CLPTM1L: variants seen among roughly 807,000 people sequenced by gnomAD.
The protein encoded by CLPTM1L is lipid scramblase CLPTM1L.
A neutral mutation model predicts 70.9 loss-of-function variants in CLPTM1L; 38 were observed. The observed-to-expected ratio is 0.54, with a 90% CI of 0.41 to 0.70. CLPTM1L has a LOEUF of 0.70. Ranked by LOEUF, CLPTM1L falls within the 30% of genes least tolerant of loss-of-function variation. The pLI is 0.00. For missense variants in CLPTM1L, 652 were observed against 705.9 expected, an observed-to-expected ratio of 0.92 and a Z score of 0.87; for synonymous variants, 339 against 299.9, an observed-to-expected ratio of 1.13 and a Z score of -1.35.
chr5:1,326,240 G>A, intron 9 of CLPTM1L: 1 of 248,856 alleles, frequency 4.0e-6, no homozygotes. Flanking sequence ...CCAGAGCCGG[G>A]CACGGCACTG....
At chr5:1,326,813 AC>A (rs1159658587) in intron 9 of CLPTM1L, among the ~76,000 whole-genome samples, 2 of 149,858 alleles carry the variant, frequency 1.3e-5, no homozygotes, top group African/African-American at 5.0e-5. Flanking sequence ...CTCCTCCCCT[AC>A]AGGGACATTT....
intron 7 of CLPTM1L, among the ~76,000 whole-genome samples, 174 bp downstream of exon 7, chr5:1,334,115 G>T (rs1314066455): frequency 6.6e-6 from 1 of 152,146 alleles, no homozygotes; most frequent in Admixed American, 6.5e-5. Context: ...CCGCCCACTG[G>T]GACAATGGTC....
At chr5:1,322,170 G>A (rs573406881) in intron 13 of CLPTM1L, among the ~76,000 whole-genome samples, 4 of 152,202 alleles carry the variant, frequency 2.6e-5, no homozygotes, top group Non-Finnish European at 5.9e-5. Flanking sequence ...TCAGGTGTGG[G>A]ACTCCTACCA....
Position 1,325,143 on chromosome 5 carries a change from CA to C in CLPTM1L, c.1147-331del, listed in dbSNP as rs879661225. ...AGGCACAGCCAACACTGCTCCGAAC[CA>C]GCCGGCCGGGAGCCATGGGGCAAGG... On this transcript the variant is annotated intron_variant, in intron 10 of 16. Coordinates refer to ENST00000320895, the MANE Select transcript of CLPTM1L (RefSeq NM_030782.5). 1.4e-4 allele frequency: 56 copies of C among 403,134 alleles called. 1 individual carries two copies. Among genetic ancestry groups the C allele is most frequent in the Admixed American group, 2.8e-4 (7 of 24,692 alleles). 25.0% of individuals were successfully genotyped at this position (403,134 alleles called of 1,614,324 possible).
At position 1,342,121 on chromosome 5, in the gene CLPTM1L, G is replaced by T. The variant is rs371986559; in HGVS notation, c.264-261C>A. ...GAAAGCAAAACGGCCCGCACTTCCT[G>T]CCTCCATCTCAGGAGGCTGAGAGGT... On this transcript the variant is annotated intron_variant, in intron 2 of 16. Transcript: ENST00000320895. The surrounding 1 kb of genome is among the most constrained non-coding windows in gnomAD (Gnocchi z 4.3). Among the ~76,000 whole-genome samples the T allele has an allele frequency of 3.0e-3, 453 of 151,968 alleles. 4 individuals are homozygous for T. Among genetic ancestry groups the T allele is most frequent in the Middle Eastern group, 0.014 (4 of 294 alleles).
chr5:1,337,645 A>G (rs550022397), intron 5 of CLPTM1L, among the ~76,000 whole-genome samples: 1 of 152,286 alleles, frequency 6.6e-6, no homozygotes, highest in Admixed American at 6.5e-5. Context: ...TGCATAAACA[A>G]TCTTCCAGGG....
chr5:1,326,424 T>C (rs1291359021), intron 9 of CLPTM1L: 2 of 229,974 alleles, frequency 8.7e-6, no homozygotes, highest in Admixed American at 6.0e-5. Context: ...TTCATCCAGC[T>C]CCTCCTCGAC....
chr5:1,344,728 G>A lies in CLPTM1L; in HGVS notation c.114C>T (p.Gly38=), dbSNP rs76174234. ...GGTAGGGCTGGATGCAGTTGGCGTC[G>A]CCGGAGCACGGGCGGGTGTAGACGA... is the stretch of plus-strand genomic sequence containing the variant. The part of the protein sequence containing the change: ...YGIVYTRPCS[G]DANCIQPYLA... The change falls in exon 1 of 17, where the codon GGC becomes GGT. Residue 38 remains glycine (G), a synonymous_variant. Coordinates refer to ENST00000320895, the MANE Select transcript of CLPTM1L (RefSeq NM_030782.5). 1,115 of 1,596,898 alleles carry A rather than the reference G, an allele frequency of 7.0e-4. 7 individuals are homozygous for A. The African/African-American group carries it at 0.014, about 20-fold the overall frequency.
chr5:1,323,377 C>A (rs1752293384), intron 12 of CLPTM1L, among the ~76,000 whole-genome samples: 1 of 132,060 alleles, frequency 7.6e-6, no homozygotes, highest in East Asian at 2.0e-4. Flanking sequence ...GGCTCAGGGC[C>A]AGCACCCCAC....
chr5:1,332,465 G>A (rs989983691), intron 7 of CLPTM1L: 1 of 152,318 alleles, frequency 6.6e-6, no homozygotes, highest in Non-Finnish European at 1.5e-5. Context: ...GTACGGCTTT[G>A]GAAAGTTTTA....
At chr5:1,332,902 G>A (rs1011491164) in intron 7 of CLPTM1L, among the ~76,000 whole-genome samples, 7 of 152,236 alleles carry the variant, frequency 4.6e-5, no homozygotes, top group Non-Finnish European at 7.3e-5. Context: ...GAGGATGAGG[G>A]ACTACTGTAT....
intron 9 of CLPTM1L, 78 bp from the exon 10 acceptor site, chr5:1,325,894 G>A (rs965267296): frequency 1.1e-5 from 14 of 1,242,038 alleles, no homozygotes; most frequent in East Asian, 2.3e-5. Flanking sequence ...AGACAGTAAC[G>A]GGTAGGACCT....
At position 1,325,454 on chromosome 5, in the gene CLPTM1L, G is replaced by A. The variant is rs563514513; in HGVS notation, c.1146+297C>T. ...CAGCCTCGGGAGCGCCTCTGGACAA[G>A]GTGCCAAAACGAAGCACACGTGCTG... On this transcript the variant is annotated intron_variant, in intron 10 of 16. Transcript: ENST00000320895. 6.7e-5 allele frequency: 32 copies of A among 475,342 alleles called. No homozygotes were observed. In the East Asian group the frequency reaches 1.0e-3, roughly 15 times the overall value. The allele number at this position is 475,342 out of a possible 1,614,324, so 29.4% of individuals were successfully genotyped here.
In CLPTM1L at chr5:1,324,772, G is replaced by A; in HGVS notation, c.1188C>T (p.Tyr396=). 2.5e-6 allele frequency: 4 copies of A among 1,614,006 alleles called. No individual in the cohort carries two copies. Among genetic ancestry groups the A allele is most frequent in the South Asian group, 2.2e-5 (2 of 91,086 alleles). ...ATCACAAGTGACTTACCTGAGTATCGTACTCCTCGGTTTTCCTCTCAGATT... is the reference window on the plus strand; with the variant it reads ...ATCACAAGTGACTTACCTGAGTATCATACTCCTCGGTTTTCCTCTCAGATT... The part of the protein sequence containing the change: ...YSESERKTEE[Y]DTQAMKYLSY... Residue 396 remains tyrosine, a synonymous_variant, in exon 11 of 17, where the codon TAC becomes TAT. Coordinates refer to ENST00000320895, the MANE Select transcript of CLPTM1L (RefSeq NM_030782.5).
intron 3 of CLPTM1L, among the ~76,000 whole-genome samples, chr5:1,339,870 C>A (rs42269): frequency 0.26 from 33,668 of 128,394 alleles, 1,380 homozygotes; most frequent in Middle Eastern, 0.33. Context: ...GATGGCCACA[C>A]AGACGGGCAA....
chr5:1,336,432 C>T (rs1004835056), intron 5 of CLPTM1L, among the ~76,000 whole-genome samples: 6 of 152,246 alleles, frequency 3.9e-5, no homozygotes, highest in East Asian at 1.9e-4. Flanking sequence ...AAGCCTGCCC[C>T]GGGCCTCTAA....
At chr5:1,327,944 A>G (rs1333939642) in intron 9 of CLPTM1L, among the ~76,000 whole-genome samples, 1 of 29,704 alleles carries the variant, frequency 3.4e-5, no homozygotes, top group East Asian at 1.2e-3. Flanking sequence ...CTCCTCCTCG[A>G]CAGACACATT....
chr5:1,334,484 T>G (rs1241554046), intron 6 of CLPTM1L, 101 bp from the exon 7 acceptor site: 1 of 798,770 alleles, frequency 1.3e-6, no homozygotes, highest in African/African-American at 1.7e-5. Flanking sequence ...CCGGGCGCAG[T>G]GGCTCATGCC....
intron 5 of CLPTM1L, among the ~76,000 whole-genome samples, chr5:1,336,098 G>A (rs1368685979): frequency 6.6e-6 from 1 of 152,222 alleles, no homozygotes; most frequent in African/African-American, 2.4e-5. Flanking sequence ...CTGTCAGGGC[G>A]CCCCACGTAG....
Sources: gnomAD v4.1 joint callset for allele counts (sites outside exome capture counted in the v4.1 genomes callset) on GRCh38, gnomAD v4.1.1 for gene constraint, Gnocchi (gnomAD v3.1) non-coding constraint, MANE v1.5 for transcripts, NCBI Gene and HGNC (gene_info 2026-07-23, HGNC 2026-07-21) for gene names.